STN1: variants seen among roughly 807,000 people sequenced by gnomAD.
STN1 encodes the protein CST complex subunit STN1.
A neutral mutation model predicts 45.5 loss-of-function variants in STN1; 29 were observed. The observed-to-expected ratio is 0.64, with a 90% CI of 0.47 to 0.87. The LOEUF is 0.87. Ranked by LOEUF, STN1 falls within the 40% of genes least tolerant of loss-of-function variation. The pLI, the probability that STN1 is intolerant of heterozygous loss-of-function variation, is 0.00. For synonymous variants in STN1, 148 were observed against 159.0 expected (o/e 0.93, Z 0.52); for missense variants, 376 against 441.4 (o/e 0.85, Z 1.33).
rs1260897312 is a variant in STN1 at position 103,881,816 on chromosome 10, G to C, written c.*868C>G. On this transcript the variant is annotated 3_prime_UTR_variant, in exon 10 of 10. Coordinates refer to ENST00000224950, the MANE Select transcript of STN1 (RefSeq NM_024928.5). ...TGTTTTTCCTTTACCTTGTCATTCT[G>C]AGCAAAAGCATGACTCCATCACCTG... is the stretch of plus-strand genomic sequence containing the variant. 6.6e-6 allele frequency among the ~76,000 whole-genome samples: 1 copy of C among 152,164 alleles called. No individual in the cohort carries two copies. Among genetic ancestry groups the C allele is most frequent in the African/African-American group, 2.4e-5 (1 of 41,432 alleles).
intron 4 of STN1, among the ~76,000 whole-genome samples, chr10:103,901,241 G>T (rs983833183): frequency 1.3e-5 from 2 of 152,146 alleles, no homozygotes; most frequent in African/African-American, 4.8e-5. Flanking sequence ...ATCCAAAGAA[G>T]CTACACAGCC....
At chr10:103,912,965 G>C (rs529525921) in intron 2 of STN1, among the ~76,000 whole-genome samples, 9 of 152,334 alleles carry the variant, frequency 5.9e-5, no homozygotes, top group African/African-American at 2.2e-4. Context: ...ACAGAGGGCC[G>C]GCTGTCTGCC....
At chr10:103,909,370 A>ATATATATG (rs1843266248) in intron 3 of STN1, among the ~76,000 whole-genome samples, 5 of 108,230 alleles carry the variant, frequency 4.6e-5, no homozygotes, top group African/African-American at 1.6e-4. Flanking sequence ...AAAAAAATAT[A>ATATATATG]TATATATATG....
At chr10:103,914,355 TATA>T (rs1843311645) in intron 2 of STN1, among the ~76,000 whole-genome samples, 5 of 33,172 alleles carry the variant, frequency 1.5e-4, no homozygotes, top group Admixed American at 4.3e-4. Context: ...TATATATATA[TATA>T]TATATATATA....
chr10:103,897,503 C>G (rs1343642952), intron 7 of STN1, 45 bp downstream of exon 7: 3 of 1,556,562 alleles, frequency 1.9e-6, no homozygotes, highest in Non-Finnish European at 2.7e-6. Flanking sequence ...AGTTGCAGAT[C>G]TGGGGCAGGG....
At chr10:103,909,733 C>T (rs1470388972) in intron 3 of STN1, among the ~76,000 whole-genome samples, 1 of 151,938 alleles carries the variant, frequency 6.6e-6, no homozygotes, top group East Asian at 1.9e-4. Context: ...GTTCAACTGC[C>T]TTCTATCTTT....
intron 9 of STN1, among the ~76,000 whole-genome samples, chr10:103,887,059 T>C (rs976789563): frequency 6.6e-6 from 1 of 152,136 alleles, no homozygotes; most frequent in Non-Finnish European, 1.5e-5. Flanking sequence ...CTTCTACCAA[T>C]CATCCTGACA....
chr10:103,907,895 G>A (rs879862751), intron 3 of STN1, among the ~76,000 whole-genome samples: 7 of 151,902 alleles, frequency 4.6e-5, no homozygotes, highest in Admixed American at 6.6e-5. Context: ...TTGGGAGGCC[G>A]AGGTGGGCAG....
In STN1 at chr10:103,889,069, T is replaced by C; in HGVS notation, c.949+3A>G. 1 of 1,607,844 alleles carries C rather than the reference T, an allele frequency of 6.2e-7. No homozygotes were observed. Among genetic ancestry groups the C allele is most frequent in the South Asian group, 1.1e-5 (1 of 90,956 alleles). On this transcript the variant is annotated splice_donor_region_variant and intron_variant, in intron 9 of 9. Coordinates refer to ENST00000224950, the MANE Select transcript of STN1 (RefSeq NM_024928.5). Reference sequence around the variant, plus strand: ...GGCATCACTTGTACATTATACCACTTACGATTTGGTTTCTGGCAGTCCTGC... The same window carrying C: ...GGCATCACTTGTACATTATACCACTCACGATTTGGTTTCTGGCAGTCCTGC...
intron 8 of STN1, among the ~76,000 whole-genome samples, chr10:103,890,128 G>T (rs552054179): frequency 6.6e-6 from 1 of 152,182 alleles, no homozygotes; most frequent in African/African-American, 2.4e-5. Context: ...AAAAGAAACA[G>T]AAAAAGAGAG....
chr10:103,882,974 G>T, intron 9 of STN1, 133 bp from the exon 10 acceptor site: 1 of 846,524 alleles, frequency 1.2e-6, no homozygotes, highest in Non-Finnish European at 1.8e-6. Context: ...AGTCAGAAAT[G>T]CATGATCTAC....
rs1203664703 is a variant in STN1, at chr10:103,878,157, T to G, written c.*4527A>C. ...ACCATATGGGCATAATCATGGCTCT[T>G]CAAACAAATCCTTGACCAGACAGTA... On this transcript the variant is annotated 3_prime_UTR_variant, in exon 10 of 10. Transcript: ENST00000224950. The G allele has an allele frequency of 6.6e-6, 1 of 152,256 alleles. No individual in the cohort carries two copies. The highest frequency in any genetic ancestry group is 2.4e-5 in the African/African-American group (1 of 41,468). The allele number at this position is 152,256 out of a possible 1,614,324, so 9.4% of individuals were successfully genotyped here.
At chr10:103,914,946 A>T (rs1843319501) in intron 2 of STN1, among the ~76,000 whole-genome samples, 1 of 152,212 alleles carries the variant, frequency 6.6e-6, no homozygotes, top group Non-Finnish European at 1.5e-5. Context: ...ACTTCTGACC[A>T]ACTGGTTATA....
Position 103,910,595 on chromosome 10 carries a change from A to AAT in STN1, c.160_161insAT (p.Ile54AsnfsTer2). The AAT allele has an allele frequency of 6.2e-7, 1 of 1,608,970 alleles. No homozygotes were observed. Among genetic ancestry groups the AAT allele is most frequent in the Non-Finnish European group, 8.5e-7 (1 of 1,175,834 alleles). On this transcript the variant is annotated frameshift_variant, in exon 3 of 10. Coordinates refer to ENST00000224950, the MANE Select transcript of STN1 (RefSeq NM_024928.5). LOFTEE classifies it high-confidence loss of function. ...AGTTCCCAAGACATCTACCTGTTTT[A>AAT]TTGGATGTCCATTGTACAAAAATAC...
intron 7 of STN1, among the ~76,000 whole-genome samples, chr10:103,896,959 T>G (rs1300017930): frequency 6.6e-6 from 1 of 152,190 alleles, no homozygotes; most frequent in Non-Finnish European, 1.5e-5. Flanking sequence ...AGAAGCCAAG[T>G]GACAGGGAAG....
At chr10:103,911,245 C>T (rs946258939) in intron 2 of STN1, among the ~76,000 whole-genome samples, 1 of 152,088 alleles carries the variant, frequency 6.6e-6, no homozygotes, top group Non-Finnish European at 1.5e-5. Flanking sequence ...GGGGAACCTA[C>T]CCACTGATAC....
At chr10:103,908,675 T>A (rs1237771381) in intron 3 of STN1, among the ~76,000 whole-genome samples, 1 of 152,206 alleles carries the variant, frequency 6.6e-6, no homozygotes, top group African/African-American at 2.4e-5. Flanking sequence ...AGATGTTTCA[T>A]GCTCCTCAGA....
intron 9 of STN1, among the ~76,000 whole-genome samples, chr10:103,886,357 C>T (rs1282292174): frequency 6.6e-6 from 1 of 151,184 alleles, no homozygotes; most frequent in East Asian, 1.9e-4. Context: ...TTTAGTCAAT[C>T]TAGGTGAAGG....
intron 9 of STN1, among the ~76,000 whole-genome samples, chr10:103,888,769 C>A (rs1000770353): frequency 1.3e-5 from 2 of 152,126 alleles, no homozygotes; most frequent in African/African-American, 4.8e-5. Context: ...ATCAGAATTC[C>A]TTGTCTAGCC....
Sources: gnomAD v4.1 joint callset for allele counts (sites outside exome capture counted in the v4.1 genomes callset) on GRCh38, gnomAD v4.1.1 for gene constraint, MANE v1.5 for transcripts, NCBI Gene and HGNC (gene_info 2026-07-23, HGNC 2026-07-21) for gene names.